The following EPM2A variants were observed in gnomAD, a reference collection of about 807,000 sequenced individuals.
The protein encoded by EPM2A is laforin.
EPM2A carries 21 observed loss-of-function variants against 26.5 expected under a neutral mutation model. That is an observed-to-expected ratio of 0.79 (90% CI 0.56 to 1.14). The LOEUF is 1.14. EPM2A is among the 50% of genes most tolerant of loss of function. EPM2A has a pLI of 0.00. For missense variants in EPM2A, 458 were observed against 440.8 expected (o/e 1.04, Z -0.35); for synonymous variants, 217 against 177.6 (o/e 1.22, Z -1.76).
chr6:145,476,983 T>C (rs759244630), intron 4 of EPM2A, among the ~76,000 whole-genome samples: 3 of 150,558 alleles, frequency 2.0e-5, no homozygotes, highest in Non-Finnish European at 4.4e-5. Flanking sequence ...TGGAAAAAAA[T>C]ACAAAACATC....
intron 4 of EPM2A, among the ~76,000 whole-genome samples, chr6:145,418,500 T>G (rs1778738336): frequency 6.6e-6 from 1 of 152,202 alleles, no homozygotes; most frequent in African/African-American, 2.4e-5. Flanking sequence ...CAGGACTGTT[T>G]GTCACAGAGG....
chr6:145,570,785 G>T (rs1462951537), intron 2 of EPM2A, among the ~76,000 whole-genome samples: 2 of 152,136 alleles, frequency 1.3e-5, no homozygotes, highest in East Asian at 3.9e-4. Context: ...TAATCACAGG[G>T]CATGGTAATA....
At chr6:145,624,731 T>C (rs1775710082), downstream of EPM2A, among the ~76,000 whole-genome samples, 5 of 152,232 alleles carry the variant, frequency 3.3e-5, no homozygotes, top group Admixed American at 1.3e-4. Flanking sequence ...TCATTTCCTA[T>C]TTCCTAACTC....
At chr6:145,634,999 T>C in intron 3 of EPM2A, 1 of 419,360 alleles carries the variant, frequency 2.4e-6, no homozygotes, top group Middle Eastern at 7.0e-4. Context: ...TCCTAGCTAC[T>C]AGCATAATGC....
chr6:145,585,531 T>C, intron 2 of EPM2A, among the ~76,000 whole-genome samples: 1 of 152,170 alleles, frequency 6.6e-6, no homozygotes, highest in East Asian at 1.9e-4. Flanking sequence ...TTTCACTTTA[T>C]AATTTTCATT....
chr6:145,535,207 G>A (rs1419142295), intron 2 of EPM2A, among the ~76,000 whole-genome samples: 2 of 152,158 alleles, frequency 1.3e-5, no homozygotes, highest in East Asian at 1.9e-4. Flanking sequence ...AGGCTCCAGA[G>A]AGTCCATTTG....
In EPM2A at chr6:145,647,760, C is replaced by T. The variant is rs117341914; in HGVS notation, c.477-12274G>A. Among the ~76,000 whole-genome samples the T allele has an allele frequency of 4.1e-3, 625 of 152,128 alleles. 18 individuals carry two copies. In the East Asian group the frequency reaches 0.07, roughly 17 times the overall value. ...GGAAGAGGAAGGGAAGAAGGAAGGA[C>T]TTTACTAACTCAAGATATTCTAGAG... On this transcript the variant is annotated intron_variant, in intron 2 of 3. Coordinates refer to ENST00000367519, the MANE Select transcript of EPM2A (RefSeq NM_005670.4).
chr6:145,678,880 C>T (rs1335837219), intron 2 of EPM2A, among the ~76,000 whole-genome samples: 1 of 152,104 alleles, frequency 6.6e-6, no homozygotes, highest in Non-Finnish European at 1.5e-5. Flanking sequence ...TACCATTTGA[C>T]CCAGTGATCC....
chr6:145,576,049 T>C (rs1781026906), intron 2 of EPM2A, among the ~76,000 whole-genome samples: 1 of 152,222 alleles, frequency 6.6e-6, no homozygotes, highest in Admixed American at 6.5e-5. Context: ...TTGGCCAGGC[T>C]GGTCTCAAAC....
chr6:145,486,313 T>G (rs7753024), intron 4 of EPM2A, among the ~76,000 whole-genome samples: 9,971 of 152,214 alleles, frequency 0.066, 1,069 homozygotes, highest in African/African-American at 0.22. Flanking sequence ...TTTTTATTTT[T>G]AAGTCAATGT....
chr6:145,660,586 G>A (rs999030975), intron 2 of EPM2A, among the ~76,000 whole-genome samples: 2 of 152,292 alleles, frequency 1.3e-5, no homozygotes, highest in Middle Eastern at 3.4e-3. Flanking sequence ...CGGATCACCT[G>A]AGGTCAGGAA....
chr6:145,690,458 C>T (rs1583061937), intron 1 of EPM2A, among the ~76,000 whole-genome samples: 1 of 144,320 alleles, frequency 6.9e-6, no homozygotes, highest in African/African-American at 2.6e-5. Context: ...TGCAGTGAGC[C>T]GAGATTGCGC....
At chr6:145,628,059 CA>C (rs540792353) in intron 3 of EPM2A, 4,933 of 206,120 alleles carry the variant, frequency 0.024, 1 homozygote, top group South Asian at 0.05. Context: ...TTAGAGGATT[CA>C]AAAAAAAAAA....
At chr6:145,441,554 C>T (rs1779063427) in intron 4 of EPM2A, among the ~76,000 whole-genome samples, 1 of 152,156 alleles carries the variant, frequency 6.6e-6, no homozygotes, top group Non-Finnish European at 1.5e-5. Flanking sequence ...AACTTTTATG[C>T]TCTGTTTCCC....
chr6:145,471,618 G>A (rs574871022), intron 4 of EPM2A, among the ~76,000 whole-genome samples: 99 of 152,100 alleles, frequency 6.5e-4, no homozygotes, highest in Non-Finnish European at 7.9e-4. Context: ...GGGCATTGGC[G>A]GAGAACACAG....
At chr6:145,512,710 C>CAAAA (rs58668403) in intron 2 of EPM2A, among the ~76,000 whole-genome samples, 5 of 22,540 alleles carry the variant, frequency 2.2e-4, no homozygotes, top group Non-Finnish European at 4.4e-4. Flanking sequence ...GACTCCATCT[C>CAAAA]AAAAAAAAAA....
chr6:145,727,547 A>C (rs1233308553), intron 1 of EPM2A, among the ~76,000 whole-genome samples: 2 of 152,156 alleles, frequency 1.3e-5, no homozygotes, highest in African/African-American at 4.8e-5. Context: ...TGCTCTATTC[A>C]TTCAACCAAT....
chr6:145,589,847 T>C (rs963404723), intron 2 of EPM2A, among the ~76,000 whole-genome samples: 1 of 145,716 alleles, frequency 6.9e-6, no homozygotes, highest in African/African-American at 2.6e-5. Context: ...AGAAGCAGGG[T>C]ACCCTTTGGG....
chr6:145,598,575 A>G (rs1781378811), intron 2 of EPM2A, among the ~76,000 whole-genome samples: 1 of 152,072 alleles, frequency 6.6e-6, no homozygotes, highest in East Asian at 1.9e-4. Context: ...CTCTGTTGAT[A>G]GTTTCTTTTG....
Sources: gnomAD v4.1 joint callset for allele counts (sites outside exome capture counted in the v4.1 genomes callset) on GRCh38, gnomAD v4.1.1 for gene constraint, MANE v1.5 for transcripts, NCBI Gene and HGNC (gene_info 2026-07-23, HGNC 2026-07-21) for gene names.